AGAP1: variants seen among roughly 807,000 people sequenced by gnomAD.
The protein encoded by AGAP1 is arf-GAP with GTPase, ANK repeat and PH domain-containing protein 1.
AGAP1 carries 29 observed loss-of-function variants against 105.3 expected under a neutral mutation model. The observed-to-expected ratio is 0.28, with a 90% CI of 0.21 to 0.38. The LOEUF is 0.38. Among genes scored for constraint, AGAP1 ranks in the 10% least tolerant of loss-of-function variants. The pLI is 1.00. For missense variants in AGAP1, 998 were observed against 1,165.1 expected (o/e 0.86, Z 2.09); for synonymous variants, 509 against 485.9 (o/e 1.05, Z -0.63).
At chr2:235,514,318 G>A (rs563757124) in intron 1 of AGAP1, among the ~76,000 whole-genome samples, 9 of 152,368 alleles carry the variant, frequency 5.9e-5, no homozygotes, top group Middle Eastern at 3.4e-3. Flanking sequence ...AGGGCTTTTA[G>A]AATGAAGTTG....
intron 1 of AGAP1, among the ~76,000 whole-genome samples, chr2:235,676,460 A>G (rs1217045533): frequency 6.6e-6 from 1 of 152,200 alleles, no homozygotes; most frequent in Non-Finnish European, 1.5e-5. Context: ...GTTAATGGGA[A>G]GGAGTTAATG....
chr2:236,069,002 C>T (rs2058426515), intron 16 of AGAP1, among the ~76,000 whole-genome samples: 1 of 151,680 alleles, frequency 6.6e-6, no homozygotes, highest in African/African-American at 2.4e-5. Flanking sequence ...TGGTGCATGC[C>T]TGTAATCCAA....
intron 16 of AGAP1, among the ~76,000 whole-genome samples, chr2:236,112,130 T>C (rs968605322): frequency 6.6e-6 from 1 of 151,996 alleles, no homozygotes; most frequent in Non-Finnish European, 1.5e-5. Flanking sequence ...AAAAGCTCTC[T>C]GGAGGCCAGG....
At chr2:235,583,966 A>G (rs922952564) in intron 1 of AGAP1, among the ~76,000 whole-genome samples, 1 of 150,084 alleles carries the variant, frequency 6.7e-6, no homozygotes, top group East Asian at 2.0e-4. Context: ...TCGGCCCCCC[A>G]GAGTGCTGGG....
intron 1 of AGAP1, among the ~76,000 whole-genome samples, chr2:235,538,460 TGC>T (rs1943319492): frequency 6.6e-6 from 1 of 150,446 alleles, no homozygotes; most frequent in Non-Finnish European, 1.5e-5. Flanking sequence ...TGTGTGTGTG[TGC>T]ATGCTTGTAC....
At chr2:236,086,101 C>CT (rs1466717502) in intron 16 of AGAP1, among the ~76,000 whole-genome samples, 1 of 152,238 alleles carries the variant, frequency 6.6e-6, no homozygotes, top group Non-Finnish European at 1.5e-5. Flanking sequence ...CCTCCTCCTG[C>CT]TTAGAGATAC....
In AGAP1 at chr2:235,494,236, A is replaced by G. The variant is rs973346632; in HGVS notation, c.-451A>G. 2.8e-5 allele frequency: 4 copies of G among 144,778 alleles called. No individual in the cohort carries two copies. Among genetic ancestry groups the G allele is most frequent in the African/African-American group, 9.9e-5 (4 of 40,344 alleles). The allele number at this position is 144,778 out of a possible 1,614,324, so 9.0% of individuals were successfully genotyped here. On this transcript the variant is annotated 5_prime_UTR_variant, in exon 1 of 18. Transcript: ENST00000304032. ...GGACCCACGCCACGGCCAGGAGCCC[A>G]GAGCAGCGCGGCCACACTGCCCAGG...
intron 1 of AGAP1, among the ~76,000 whole-genome samples, chr2:235,649,840 A>G (rs148487162): frequency 2.0e-5 from 3 of 152,288 alleles, no homozygotes; most frequent in East Asian, 1.9e-4. Flanking sequence ...AATGAAACCA[A>G]TTGAAGTACT....
rs551686805 is a variant in AGAP1, at chr2:236,097,163, T to C, written c.2115-23029T>C. 2.6e-5 allele frequency among the ~76,000 whole-genome samples: 4 copies of C among 152,228 alleles called. No individual in the cohort carries two copies. In the East Asian group the frequency reaches 7.7e-4, roughly 29 times the overall value. The stretch of plus-strand genomic sequence containing the variant: ...TTTCAGCATTTGGGATTATGGTGTT[T>C]GGAATTGTGTCTTTCAGGATTATGA... On this transcript the variant is annotated intron_variant, in intron 16 of 17. Transcript: ENST00000304032.
chr2:235,980,086 T>C lies in AGAP1; in HGVS notation c.1645+11463T>C, dbSNP rs13022456. On this transcript the variant is annotated intron_variant, in intron 13 of 17. Transcript: ENST00000304032. ...TGATCTTATTACAGTACTGTGGACCTTGAAGAGATTTCATGAGGAGAGTGA... is the reference window on the plus strand; with the variant it reads ...TGATCTTATTACAGTACTGTGGACCCTGAAGAGATTTCATGAGGAGAGTGA... Among the ~76,000 whole-genome samples the C allele has an allele frequency of 1.8e-3, 275 of 152,336 alleles. 1 individual carries two copies. Among genetic ancestry groups the C allele is most frequent in the Non-Finnish European group, 2.4e-3 (161 of 68,032 alleles).
chr2:236,037,255 GT>G, intron 14 of AGAP1: 1 of 152,188 alleles, frequency 6.6e-6, no homozygotes, highest in Non-Finnish European at 1.5e-5. Flanking sequence ...AGAGGTGGTG[GT>G]GCAGCTCTTT....
chr2:235,616,059 T>A (rs1289910712), intron 1 of AGAP1, among the ~76,000 whole-genome samples: 1 of 152,120 alleles, frequency 6.6e-6, no homozygotes, highest in Non-Finnish European at 1.5e-5. Flanking sequence ...AGAGTAACAA[T>A]TAAAATGACA....
chr2:235,763,544 A>G (rs1017823760), intron 6 of AGAP1, among the ~76,000 whole-genome samples: 5 of 152,006 alleles, frequency 3.3e-5, no homozygotes, highest in Non-Finnish European at 7.4e-5. Flanking sequence ...TGTCCTTCCT[A>G]ATTTCCCGAG....
chr2:235,945,290 T>TGG (rs538614225), intron 12 of AGAP1, among the ~76,000 whole-genome samples: 3 of 150,626 alleles, frequency 2.0e-5, no homozygotes, highest in African/African-American at 7.3e-5. Flanking sequence ...TTAGTAGAGT[T>TGG]GGGGGGGGGT....
At chr2:235,760,189 T>A (rs1954319518) in intron 6 of AGAP1, among the ~76,000 whole-genome samples, 1 of 152,180 alleles carries the variant, frequency 6.6e-6, no homozygotes, top group Non-Finnish European at 1.5e-5. Flanking sequence ...GAGACCAGCC[T>A]GGCCAACATG....
At position 235,729,349 on chromosome 2, in the gene AGAP1, C is replaced by T. The variant is rs771547405; in HGVS notation, c.311-11614C>T. Among the ~76,000 whole-genome samples, 2 of 152,148 alleles carry T rather than the reference C, an allele frequency of 1.3e-5. No individual in the cohort carries two copies. Among genetic ancestry groups the T allele is most frequent in the Non-Finnish European group, 2.9e-5 (2 of 68,030 alleles). On this transcript the variant is annotated intron_variant, in intron 3 of 17. Coordinates refer to ENST00000304032, the MANE Select transcript of AGAP1 (RefSeq NM_001037131.3). This position sits in a 1 kb window ranked among gnomAD's most constrained non-coding sequence, Gnocchi z 5.0. ...ACTTGGGCAGCATCTCGGCTGGGAG[C>T]CCCAGGGAGCCTGGCAGTACCTCAG...
intron 16 of AGAP1, among the ~76,000 whole-genome samples, chr2:236,071,024 G>A (rs948765967): frequency 6.6e-6 from 1 of 152,234 alleles, no homozygotes; most frequent in African/African-American, 2.4e-5. Context: ...AAGAGAGCAT[G>A]TTCTGAGTTT....
chr2:235,560,399 A>G (rs1295206551), intron 1 of AGAP1, among the ~76,000 whole-genome samples: 2 of 151,684 alleles, frequency 1.3e-5, no homozygotes, highest in African/African-American at 2.4e-5. Flanking sequence ...CTACTGTGGT[A>G]GACAGAAAAA....
chr2:235,997,380 C>T (rs1049728597), intron 13 of AGAP1, among the ~76,000 whole-genome samples: 2 of 152,204 alleles, frequency 1.3e-5, no homozygotes, highest in African/African-American at 2.4e-5. Flanking sequence ...AGCCACCGTG[C>T]CCAGCCTAAT....
Sources: gnomAD v4.1 joint callset for allele counts (sites outside exome capture counted in the v4.1 genomes callset) on GRCh38, gnomAD v4.1.1 for gene constraint, Gnocchi (gnomAD v3.1) non-coding constraint, MANE v1.5 for transcripts, NCBI Gene and HGNC (gene_info 2026-07-23, HGNC 2026-07-21) for gene names.